The following NAV1 variants were observed in gnomAD, a reference collection of about 807,000 sequenced individuals.
NAV1 encodes pore membrane and/or filament interacting like protein 3.
In NAV1, 18 loss-of-function variants were observed where a neutral mutation model predicts 175.2. The observed-to-expected ratio is 0.10, with a 90% confidence interval of 0.07 to 0.15. The LOEUF (loss-of-function observed/expected upper bound fraction) is 0.15. NAV1 is among the 10% of genes least tolerant of loss of function. NAV1 has a pLI of 1.00. For synonymous variants in NAV1, 897 were observed against 978.7 expected (o/e 0.92, Z 1.56); for missense variants, 1,731 against 2,436.6 (o/e 0.71, Z 6.10).
chr1:201,767,389 T>TG (rs1472239256), intron 3 of NAV1, among the ~76,000 whole-genome samples: 1 of 151,792 alleles, frequency 6.6e-6, no homozygotes, highest in Non-Finnish European at 1.5e-5. Flanking sequence ...AGGTGGAGGT[T>TG]GCAGTGAGCC....
In NAV1 at chr1:201,545,518, T is replaced by G. The variant is rs138714025; in HGVS notation, c.-144+6176T>G. Among the ~76,000 whole-genome samples the G allele has an allele frequency of 2.2e-3, 336 of 152,308 alleles. 2 individuals carry two copies. Among genetic ancestry groups the G allele is most frequent in the African/African-American group, 8.0e-3 (331 of 41,570 alleles). ...TGGCCTCAAGTGATCTGCCTGCCTC[T>G]GCCTCCCAAAGTGTTGAGGATTACA... is the stretch of plus-strand genomic sequence containing the variant. On this transcript the variant is annotated intron_variant, in intron 1 of 33. Transcript: ENST00000685211.
In NAV1 at chr1:201,668,243, C is replaced by T. The variant is rs554779052; in HGVS notation, c.757+18818C>T. Among the ~76,000 whole-genome samples the T allele has an allele frequency of 9.1e-4, 139 of 152,256 alleles. 1 individual carries two copies. Among genetic ancestry groups the T allele is most frequent in the African/African-American group, 2.8e-3 (115 of 41,544 alleles). On this transcript the variant is annotated intron_variant, in intron 1 of 29. Coordinates refer to ENST00000367296, the Ensembl canonical transcript of NAV1. Reference sequence around the variant, plus strand: ...CAGATCTAGGAGGCTCCCATCCCTCCGCCTCCTGCCACCCCCTACCAGCTT... The same window carrying T: ...CAGATCTAGGAGGCTCCCATCCCTCTGCCTCCTGCCACCCCCTACCAGCTT...
intron 1 of NAV1, among the ~76,000 whole-genome samples, chr1:201,670,576 T>G (rs1198731683): frequency 6.8e-6 from 1 of 146,000 alleles, no homozygotes; most frequent in African/African-American, 2.6e-5. Flanking sequence ...ATGATGGTGA[T>G]GGTTTGATGA....
chr1:201,543,651 T>C (rs1665582564), intron 1 of NAV1, among the ~76,000 whole-genome samples: 1 of 152,196 alleles, frequency 6.6e-6, no homozygotes. Flanking sequence ...CATCTAACAA[T>C]TATATTGTGG....
At chr1:201,805,636 C>A (rs1678224785) in intron 17 of NAV1, among the ~76,000 whole-genome samples, 1 of 152,164 alleles carries the variant, frequency 6.6e-6, no homozygotes. Flanking sequence ...AAATGTGATA[C>A]CATTGACTGG....
exon 1 of NAV1, chr1:201,648,453 G>C: frequency 3.5e-6 from 4 of 1,151,998 alleles, no homozygotes; most frequent in Non-Finnish European, 4.2e-6. Context: ...CCTTTTTCCC[G>C]GCTTCCTTCC....
chr1:201,641,319 G>T (rs1274474671), intron 2 of NAV1, among the ~76,000 whole-genome samples: 1 of 152,112 alleles, frequency 6.6e-6, no homozygotes, highest in Non-Finnish European at 1.5e-5. Flanking sequence ...CTCTCACTTG[G>T]GTGACTGCAA....
intron 3 of NAV1, among the ~76,000 whole-genome samples, chr1:201,743,384 C>T (rs978944790): frequency 6.6e-6 from 1 of 152,210 alleles, no homozygotes; most frequent in Non-Finnish European, 1.5e-5. Context: ...GGGAAGATTA[C>T]TAAACTTGGA....
chr1:201,789,405 C>G (rs928050509), intron 10 of NAV1, among the ~76,000 whole-genome samples: 1 of 152,112 alleles, frequency 6.6e-6, no homozygotes, highest in Non-Finnish European at 1.5e-5. Context: ...CCCTCTCCTG[C>G]GGCTAAGGTG....
chr1:201,721,808 AG>A (rs1481819956), intron 3 of NAV1, among the ~76,000 whole-genome samples: 3 of 152,192 alleles, frequency 2.0e-5, no homozygotes, highest in Non-Finnish European at 4.4e-5. Flanking sequence ...TATCCGAGTG[AG>A]CCATAAAAGA....
At chr1:201,551,860 G>C (rs778221032) in intron 1 of NAV1, among the ~76,000 whole-genome samples, 3 of 152,188 alleles carry the variant, frequency 2.0e-5, no homozygotes, top group Non-Finnish European at 4.4e-5. Context: ...CTTTTTAGCC[G>C]GTCTGGAGCT....
chr1:201,599,604 A>G (rs1316846099), intron 2 of NAV1, among the ~76,000 whole-genome samples: 1 of 152,184 alleles, frequency 6.6e-6, no homozygotes, highest in Non-Finnish European at 1.5e-5. Context: ...GCCCACTTCG[A>G]TGCTCAAGTC....
chr1:201,638,965 GT>G (rs1338668793), intron 2 of NAV1, among the ~76,000 whole-genome samples: 1 of 152,232 alleles, frequency 6.6e-6, no homozygotes, highest in African/African-American at 2.4e-5. Flanking sequence ...TAGGCAGAAT[GT>G]GGGTACCCAG....
chr1:201,756,876 CTTT>C (rs1558131886), intron 3 of NAV1, among the ~76,000 whole-genome samples: 22 of 109,342 alleles, frequency 2.0e-4, no homozygotes, highest in African/African-American at 7.7e-4. Flanking sequence ...TTCTTTCTTT[CTTT>C]CTTTCTCTGT....
At chr1:201,643,050 A>G (rs985294351) in intron 2 of NAV1, among the ~76,000 whole-genome samples, 2 of 151,890 alleles carry the variant, frequency 1.3e-5, no homozygotes, top group South Asian at 2.1e-4. Context: ...CTGGGATTAC[A>G]GGTGTGAGCC....
chr1:201,580,643 C>T (rs1410807362), intron 1 of NAV1, among the ~76,000 whole-genome samples: 1 of 152,108 alleles, frequency 6.6e-6, no homozygotes, highest in African/African-American at 2.4e-5. Context: ...CGTGGTGGCG[C>T]ACGCCTGTAA....
Position 201,712,757 on chromosome 1 carries a change from C to T in NAV1, c.758-60C>T, listed in dbSNP as rs987490129. On this transcript the variant is annotated intron_variant, in intron 1 of 29. Coordinates refer to ENST00000367296, the Ensembl canonical transcript of NAV1. ...CACTGTCAATCTCCACTTCCTGACC[C>T]CCAGGATCCCAGCATTAAGTTCTCT... 6.6e-6 allele frequency: 8 copies of T among 1,203,732 alleles called. No homozygotes were observed. The African/African-American group carries it at 1.2e-4, about 18-fold the overall frequency. 74.6% of individuals were successfully genotyped at this position (1,203,732 alleles called of 1,614,324 possible). A position where few individuals can be genotyped will look rare whatever the true frequency, so the allele number is the denominator to read the frequency against.
chr1:201,639,588 T>C (rs913004051), intron 2 of NAV1, among the ~76,000 whole-genome samples: 1 of 152,080 alleles, frequency 6.6e-6, no homozygotes, highest in Non-Finnish European at 1.5e-5. Flanking sequence ...GAGTCAGACC[T>C]CCCTAGCCCC....
chr1:201,781,484 T>C (rs908461337), intron 5 of NAV1, among the ~76,000 whole-genome samples, 175 bp downstream of exon 9: 1 of 152,242 alleles, frequency 6.6e-6, no homozygotes, highest in African/African-American at 2.4e-5. Flanking sequence ...GGTGTTATTA[T>C]TTCCATTTTA....
Sources: allele counts gnomAD v4.1 joint callset (sites outside exome capture counted in the v4.1 genomes callset), GRCh38; gene constraint gnomAD v4.1.1; transcripts MANE v1.5; gene names NCBI Gene and HGNC (gene_info 2026-07-23, HGNC 2026-07-21).